The following GLYATL1 variants were observed in gnomAD, a reference collection of about 807,000 sequenced individuals.
GLYATL1 encodes glycine-N-acyltransferase like 1, also known as glycine N-acyltransferase-like protein 1.
GLYATL1 carries 15 observed loss-of-function variants against 20.0 expected under a neutral mutation model. That is an observed-to-expected ratio of 0.75 (90% CI 0.50 to 1.15). The LOEUF (loss-of-function observed/expected upper bound fraction) is 1.15. Ranked by LOEUF, GLYATL1 falls within the 50% of genes most tolerant of loss-of-function variation. GLYATL1 has a pLI of 0.00. For missense variants in GLYATL1, 380 were observed against 368.5 expected (o/e 1.03, Z -0.26); for synonymous variants, 151 against 131.5 (o/e 1.15, Z -1.01).
chr11:58,912,804 AAG>A (rs1340335072), downstream of GLYATL1, among the ~76,000 whole-genome samples: 1 of 152,214 alleles, frequency 6.6e-6, no homozygotes, highest in African/African-American at 2.4e-5. Flanking sequence ...GGGCATGTGA[AAG>A]AGGGGCAGAG....
upstream of GLYATL1, among the ~76,000 whole-genome samples, chr11:58,922,852 CCT>C (rs1855340753): frequency 6.6e-6 from 1 of 152,102 alleles, no homozygotes; most frequent in Non-Finnish European, 1.5e-5. Context: ...GTCTGGATGC[CCT>C]GACTGTCCTC....
At chr11:58,911,855 C>A (rs774029832), downstream of GLYATL1, among the ~76,000 whole-genome samples, 1 of 152,144 alleles carries the variant, frequency 6.6e-6, no homozygotes, top group East Asian at 1.9e-4. Context: ...TTTCTCTTTG[C>A]GGATCATGCT....
At chr11:58,951,136 G>A (rs1214193237) in intron 4 of GLYATL1, among the ~76,000 whole-genome samples, 1 of 151,974 alleles carries the variant, frequency 6.6e-6, no homozygotes, top group African/African-American at 2.4e-5. Context: ...GCTACTCGAA[G>A]ATCATACAAC....
upstream of GLYATL1, among the ~76,000 whole-genome samples, chr11:58,924,686 CAA>C (rs1855385678): frequency 6.6e-6 from 1 of 152,150 alleles, no homozygotes; most frequent in Non-Finnish European, 1.5e-5. Flanking sequence ...CTAGAATTAG[CAA>C]ATAATACAAG....
At chr11:58,940,696 G>A (rs950075199) in intron 1 of GLYATL1, among the ~76,000 whole-genome samples, 3 of 152,162 alleles carry the variant, frequency 2.0e-5, no homozygotes, top group Non-Finnish European at 4.4e-5. Flanking sequence ...ATTTGTTTCT[G>A]CTAGATATTT....
chr11:58,930,924 C>T (rs904133647), intron 1 of GLYATL1, among the ~76,000 whole-genome samples: 1 of 152,142 alleles, frequency 6.6e-6, no homozygotes, highest in Non-Finnish European at 1.5e-5. Flanking sequence ...ATGTTTAAAT[C>T]CTAATCTCCA....
chr11:58,932,647 G>C (rs1855654221), intron 1 of GLYATL1, among the ~76,000 whole-genome samples: 1 of 152,188 alleles, frequency 6.6e-6, no homozygotes, highest in Non-Finnish European at 1.5e-5. Flanking sequence ...AAAGTGGATA[G>C]AGAATTTCAT....
At chr11:58,917,351 C>G (rs1855198786) in intron 1 of GLYATL1, 1 of 152,212 alleles carries the variant, frequency 6.6e-6, no homozygotes, top group Non-Finnish European at 1.5e-5. Context: ...TGAGTGCACT[C>G]AGACCCAGCA....
At chr11:58,949,609 AAGTT>A (rs750259908) in intron 4 of GLYATL1, among the ~76,000 whole-genome samples, 1 of 152,174 alleles carries the variant, frequency 6.6e-6, no homozygotes, top group African/African-American at 2.4e-5. Flanking sequence ...GCTTTGAACA[AAGTT>A]AGTTTTTACA....
chr11:58,926,341 A>G (rs373983196), upstream of GLYATL1, among the ~76,000 whole-genome samples: 6 of 152,382 alleles, frequency 3.9e-5, 1 homozygote, highest in South Asian at 6.2e-4. Flanking sequence ...GTTCATTGAC[A>G]TAAGCCAATG....
intron 1 of GLYATL1, among the ~76,000 whole-genome samples, chr11:58,940,001 T>C (rs1856024585): frequency 6.6e-6 from 1 of 152,220 alleles, no homozygotes; most frequent in Admixed American, 6.5e-5. Context: ...AACAGTTGGA[T>C]TGTTTTAGTG....
At chr11:58,954,696 T>C in intron 4 of GLYATL1, 74 bp from the exon 5 acceptor site, 1 of 1,414,624 alleles carries the variant, frequency 7.1e-7, no homozygotes, top group Non-Finnish European at 9.5e-7. Context: ...CTTTCATTTT[T>C]CTGATAATTG....
chr11:58,933,411 CT>C (rs1256504280), intron 1 of GLYATL1, among the ~76,000 whole-genome samples: 2 of 152,188 alleles, frequency 1.3e-5, no homozygotes, highest in Admixed American at 1.3e-4. Context: ...ATTTTACTCC[CT>C]CCAGGCTTAT....
chr11:58,927,671 T>TA (rs1176926871), upstream of GLYATL1: 4 of 136,300 alleles, frequency 2.9e-5, no homozygotes, highest in Non-Finnish European at 6.8e-5. Flanking sequence ...CTCTAGCTTC[T>TA]AATGCCCTTT....
chr11:58,909,074 A>G (rs778063794), downstream of GLYATL1, among the ~76,000 whole-genome samples: 5 of 152,236 alleles, frequency 3.3e-5, no homozygotes, highest in Admixed American at 6.5e-5. Context: ...ATGGAAAATG[A>G]TAATACTAAA....
intron 1 of GLYATL1, among the ~76,000 whole-genome samples, chr11:58,918,562 C>T (rs1855234338): frequency 6.6e-6 from 1 of 152,112 alleles, no homozygotes; most frequent in Admixed American, 6.5e-5. Flanking sequence ...GATATGGTTG[C>T]CATCAAAGGT....
intron 1 of GLYATL1, among the ~76,000 whole-genome samples, chr11:58,916,243 G>T (rs569694205): frequency 6.6e-6 from 1 of 152,240 alleles, no homozygotes; most frequent in East Asian, 1.9e-4. Context: ...TAAGATCTCA[G>T]GTCCCATCAA....
chr11:58,927,582 G>C (rs1232396442), upstream of GLYATL1: 9 of 152,272 alleles, frequency 5.9e-5, no homozygotes, highest in Admixed American at 4.6e-4. Flanking sequence ...TAGCTCCAAT[G>C]GTGGCTTAGC....
In GLYATL1 at chr11:58,955,764, G is replaced by A; in HGVS notation, c.646G>A (p.Val216Ile). The change falls in exon 7 of 7, where the codon GTC becomes ATC. Residue 216 changes from valine (V) to isoleucine (I), a missense_variant. Coordinates refer to ENST00000532726, the MANE Select transcript of GLYATL1 (RefSeq NM_001389712.2). ...AGCCTGTATGCTCGGCCCAGAGGGA[G>A]TCCCGGTCTCATGGGTAACCATGGA... ...PAACMLGPEGVPVSWVTMDPS... is the reference protein window; with the variant it reads ...PAACMLGPEGIPVSWVTMDPS... The A allele has an allele frequency of 6.2e-7, 1 of 1,614,216 alleles. No homozygotes were observed. Among genetic ancestry groups the A allele is most frequent in the Non-Finnish European group, 8.5e-7 (1 of 1,180,044 alleles).
Sources: gnomAD v4.1 joint callset for allele counts (sites outside exome capture counted in the v4.1 genomes callset) on GRCh38, gnomAD v4.1.1 for gene constraint, MANE v1.5 for transcripts, NCBI Gene and HGNC (gene_info 2026-07-23, HGNC 2026-07-21) for gene names.